Variants in COX6C observed in about 807,000 individuals in gnomAD.
The protein encoded by COX6C is cytochrome c oxidase polypeptide VIc.
A neutral mutation model predicts 6.9 loss-of-function variants in COX6C; 3 were observed. The observed-to-expected ratio is 0.43, with a 90% CI of 0.20 to 1.12. The LOEUF (loss-of-function observed/expected upper bound fraction) is 1.12, where lower values mean the gene tolerates loss of function less well. Among genes scored for constraint, COX6C ranks in the 50% most tolerant of loss-of-function variants. The pLI, the probability that COX6C is intolerant of heterozygous loss-of-function variation, is 0.27. For synonymous variants in COX6C, 32 were observed against 32.0 expected, an observed-to-expected ratio of 1.00 and a Z score of 0.00; for missense variants, 101 against 97.3, an observed-to-expected ratio of 1.04 and a Z score of -0.16.
chr8:99,892,836 G>GC (rs2131013487), intron 1 of COX6C, among the ~76,000 whole-genome samples: 1 of 152,324 alleles, frequency 6.6e-6, no homozygotes, highest in African/African-American at 2.4e-5. Context: ...ACCCATTTAT[G>GC]CAACACTTTC....
chr8:99,883,718 C>T (rs555910950), intron 3 of COX6C, among the ~76,000 whole-genome samples: 11 of 152,100 alleles, frequency 7.2e-5, no homozygotes, highest in South Asian at 2.1e-4. Context: ...GACAAACACA[C>T]GAGAAAACTA....
chr8:99,890,756 G>T (rs1416092445), intron 2 of COX6C, among the ~76,000 whole-genome samples: 2 of 152,090 alleles, frequency 1.3e-5, no homozygotes, highest in Non-Finnish European at 2.9e-5. Flanking sequence ...CATTTTTACG[G>T]AAAAGTTGTA....
At chr8:99,891,112 T>C (rs543676412) in intron 2 of COX6C, among the ~76,000 whole-genome samples, 3 of 152,374 alleles carry the variant, frequency 2.0e-5, no homozygotes, top group Admixed American at 6.5e-5. Flanking sequence ...ATGGGTTGAA[T>C]TGTGTTTGAC....
chr8:99,888,477 A>G (rs1484525894), intron 2 of COX6C, among the ~76,000 whole-genome samples: 1 of 152,180 alleles, frequency 6.6e-6, no homozygotes, highest in African/African-American at 2.4e-5. Flanking sequence ...AGGCTGAGGC[A>G]GGAGAATTGC....
intron 1 of COX6C, among the ~76,000 whole-genome samples, chr8:99,892,267 C>T (rs1333683698): frequency 2.6e-5 from 4 of 152,172 alleles, no homozygotes; most frequent in Non-Finnish European, 4.4e-5. Context: ...CATCCTACCT[C>T]GTCCTCCCAA....
At chr8:99,888,367 T>C (rs189419694) in intron 2 of COX6C, among the ~76,000 whole-genome samples, 182 of 152,090 alleles carry the variant, frequency 1.2e-3, no homozygotes, top group Non-Finnish European at 2.3e-3. Flanking sequence ...GGTCAGGAAT[T>C]GGAGACCAGC....
At chr8:99,889,808 C>T (rs182233223) in intron 2 of COX6C, among the ~76,000 whole-genome samples, 38 of 151,802 alleles carry the variant, frequency 2.5e-4, no homozygotes, top group African/African-American at 7.7e-4. Flanking sequence ...AGAAGAAATG[C>T]GACCGGGTGC....
At chr8:99,892,108 G>C (rs1588831119) in intron 1 of COX6C, 56 bp from the exon 2 acceptor site, 1 of 958,334 alleles carries the variant, frequency 1.0e-6, no homozygotes, top group East Asian at 2.4e-5. Flanking sequence ...CCACAAACTT[G>C]AGAATGGCCA....
chr8:99,892,936 C>T (rs1818077155), intron 1 of COX6C: 1 of 152,238 alleles, frequency 6.6e-6, no homozygotes. Flanking sequence ...ACACGGTATA[C>T]CATTAAAACC....
chr8:99,890,559 C>T (rs942407942), intron 2 of COX6C, among the ~76,000 whole-genome samples: 2 of 152,168 alleles, frequency 1.3e-5, no homozygotes, highest in Non-Finnish European at 2.9e-5. Flanking sequence ...ATTTGTGTGT[C>T]AGGCACCCAA....
chr8:99,887,383 A>G (rs1277032471), intron 3 of COX6C, 107 bp downstream of exon 3: 2 of 571,324 alleles, frequency 3.5e-6, no homozygotes, highest in Non-Finnish European at 5.8e-6. Context: ...ACACCATCGT[A>G]AAGTCAAAAA....
rs190069561 is a variant in COX6C, at chr8:99,888,829, T to C, written c.115-1211A>G. 2.0e-3 allele frequency among the ~76,000 whole-genome samples: 306 copies of C among 152,274 alleles called. 1 individual carries two copies. The highest frequency in any genetic ancestry group is 3.2e-3 in the Non-Finnish European group (219 of 68,020). ...TTCAGGACTGATTCTTTTTGAGTAATGGCCACAGGCACACTGGGGGAACAG... is the reference window on the plus strand; with the variant it reads ...TTCAGGACTGATTCTTTTTGAGTAACGGCCACAGGCACACTGGGGGAACAG... On this transcript the variant is annotated intron_variant, in intron 2 of 3. Transcript: ENST00000520468.
intron 3 of COX6C, chr8:99,886,381 C>T (rs189711589): frequency 6.6e-6 from 1 of 151,770 alleles, no homozygotes; most frequent in Admixed American, 6.6e-5. Context: ...CAGAGGGAGA[C>T]CCTGTTAAAA....
In COX6C at chr8:99,891,982, G is replaced by A; in HGVS notation, c.40C>T (p.Leu14Phe). 6.2e-7 allele frequency: 1 copy of A among 1,613,774 alleles called. No homozygotes were observed. The highest frequency in any genetic ancestry group is 8.5e-7 in the Non-Finnish European group (1 of 1,179,962). ...EVLPKPRMRG[L>F]LARRLRNHMA... ...TGATTTCGCAGACGCCTGGCCAGAAGGCCACGCATCCGAGGTTTTGGCAAA... is the reference window on the plus strand; with the variant it reads ...TGATTTCGCAGACGCCTGGCCAGAAAGCCACGCATCCGAGGTTTTGGCAAA... Residue 14 changes from leucine (L) to phenylalanine (F), a missense_variant, in exon 2 of 4, where the codon CTT becomes TTT. Coordinates refer to ENST00000520468, the MANE Select transcript of COX6C (RefSeq NM_004374.4).
intron 2 of COX6C, among the ~76,000 whole-genome samples, chr8:99,887,941 ATTTT>A (rs979476984): frequency 7.9e-5 from 12 of 151,690 alleles, no homozygotes; most frequent in African/African-American, 2.9e-4. Flanking sequence ...GTGACTTATT[ATTTT>A]TTTTAAAGAT....
chr8:99,888,390 A>G (rs529219373), intron 2 of COX6C, among the ~76,000 whole-genome samples: 174 of 152,066 alleles, frequency 1.1e-3, no homozygotes, highest in African/African-American at 3.5e-3. Context: ...GGCCAACATG[A>G]TGAAACCCCA....
At chr8:99,883,248 T>G (rs986616315) in intron 3 of COX6C, among the ~76,000 whole-genome samples, 1 of 152,128 alleles carries the variant, frequency 6.6e-6, no homozygotes, top group African/African-American at 2.4e-5. Context: ...GGTCTCATAT[T>G]CTGTTATCCA....
At chr8:99,883,861 A>G (rs1333143690) in intron 3 of COX6C, among the ~76,000 whole-genome samples, 2 of 152,238 alleles carry the variant, frequency 1.3e-5, no homozygotes, top group African/African-American at 2.4e-5. Flanking sequence ...ATAGTTCAAC[A>G]TATGCAAATC....
chr8:99,889,866 G>A (rs564855624), intron 2 of COX6C, among the ~76,000 whole-genome samples: 84 of 151,822 alleles, frequency 5.5e-4, no homozygotes, highest in African/African-American at 1.8e-3. Context: ...CGAGGCGGGC[G>A]GATCATGAGG....
Sources: gnomAD v4.1 joint callset for allele counts (sites outside exome capture counted in the v4.1 genomes callset) on GRCh38, gnomAD v4.1.1 for gene constraint, MANE v1.5 for transcripts, NCBI Gene and HGNC (gene_info 2026-07-23, HGNC 2026-07-21) for gene names.